Variants in RAP1GAP2 observed in about 807,000 individuals in gnomAD.
RAP1GAP2 encodes the protein RAP1 GTPase activating protein 2, also known as rap1 GTPase-activating protein 2.
Under a neutral mutation model 95.0 loss-of-function variants are expected in RAP1GAP2, and 27 were observed. That is an observed-to-expected ratio of 0.28 (90% CI 0.21 to 0.39). RAP1GAP2 has a LOEUF of 0.39. Ranked by LOEUF, RAP1GAP2 falls within the 10% of genes least tolerant of loss-of-function variation. The probability of loss-of-function intolerance (pLI) is 1.00; values close to 1 mark genes in which losing one functional copy is unlikely to be tolerated. For missense variants in RAP1GAP2, 771 were observed against 970.0 expected (o/e 0.79, Z 2.72); for synonymous variants, 373 against 380.9 (o/e 0.98, Z 0.24).
At position 2,965,649 on chromosome 17, in the gene RAP1GAP2, G is replaced by T. The variant is rs2044557806; in HGVS notation, c.596+6G>T. ...TACCTCCGGGTCATCCTTAGGTAGG[G>T]CTGTTGCGCTGCTTGAGGCCACTTC... On this transcript the variant is annotated splice_donor_region_variant and intron_variant, in intron 8 of 24. Transcript: ENST00000254695. The surrounding 1 kb of genome is among the most constrained non-coding windows in gnomAD (Gnocchi z 4.7). The T allele has an allele frequency of 6.3e-7, 1 of 1,582,196 alleles. No homozygotes were observed. Among genetic ancestry groups the T allele is most frequent in the Non-Finnish European group, 8.6e-7 (1 of 1,158,140 alleles).
chr17:2,854,103 G>C, intron 2 of RAP1GAP2: 2 of 985,424 alleles, frequency 2.0e-6, no homozygotes, highest in Non-Finnish European at 2.4e-6. Flanking sequence ...AAGAGAAAAG[G>C]TAAACCCCTG....
chr17:2,909,287 G>A (rs1003589131), intron 3 of RAP1GAP2, among the ~76,000 whole-genome samples: 1 of 152,208 alleles, frequency 6.6e-6, no homozygotes, highest in African/African-American at 2.4e-5. Flanking sequence ...GAGAGGCCAA[G>A]TATGGTGCAG....
intron 2 of RAP1GAP2, among the ~76,000 whole-genome samples, chr17:2,832,015 C>T (rs2070876251): frequency 6.6e-6 from 1 of 150,828 alleles, no homozygotes; most frequent in Non-Finnish European, 1.5e-5. Flanking sequence ...ACCAGCCTGC[C>T]CAATATGGCG....
intron 19 of RAP1GAP2, among the ~76,000 whole-genome samples, chr17:3,024,655 A>G (rs552378371): frequency 5.8e-4 from 89 of 152,366 alleles, no homozygotes; most frequent in African/African-American, 2.0e-3. Flanking sequence ...CAAAGTGGAA[A>G]CAGTCCAAAT....
At chr17:2,993,205 G>A (rs2045829368) in intron 12 of RAP1GAP2, among the ~76,000 whole-genome samples, 1 of 148,576 alleles carries the variant, frequency 6.7e-6, no homozygotes, top group African/African-American at 2.5e-5. Context: ...CTGGTCAATA[G>A]AGGGAGACTC....
intron 11 of RAP1GAP2, 143 bp downstream of exon 11, chr17:2,985,209 A>C (rs908511894): frequency 7.1e-7 from 1 of 1,408,106 alleles, no homozygotes; most frequent in Non-Finnish European, 9.4e-7. Context: ...TATGAATTAG[A>C]CTGGAGGTGG....
chr17:2,879,177 G>T (rs1296423887), intron 2 of RAP1GAP2, among the ~76,000 whole-genome samples: 3 of 150,722 alleles, frequency 2.0e-5, no homozygotes, highest in Non-Finnish European at 4.4e-5. Context: ...GTGCAGTGGC[G>T]TGATCTCAGC....
At chr17:2,966,251 G>A (rs911439233) in intron 8 of RAP1GAP2, among the ~76,000 whole-genome samples, 1 of 152,230 alleles carries the variant, frequency 6.6e-6, no homozygotes, top group African/African-American at 2.4e-5. Context: ...TGCGATAGGT[G>A]TTAGAGATAC....
Position 3,002,464 on chromosome 17 carries a change from C to T in RAP1GAP2, c.1201-2905C>T, listed in dbSNP as rs995218764. On this transcript the variant is annotated intron_variant, in intron 14 of 24. Coordinates refer to ENST00000254695, the MANE Select transcript of RAP1GAP2 (RefSeq NM_015085.5). ...CAGCCTTCCAAGGCACTCCCCAAAG[C>T]GCTGTCCATCCACACTCCCGGCAGC... Among the ~76,000 whole-genome samples the T allele has an allele frequency of 5.9e-5, 9 of 152,302 alleles. No homozygotes were observed. The East Asian group carries it at 1.4e-3, about 23-fold the overall frequency.
At chr17:2,828,857 C>T (rs2070705516) in intron 2 of RAP1GAP2, among the ~76,000 whole-genome samples, 1 of 152,062 alleles carries the variant, frequency 6.6e-6, no homozygotes, top group Admixed American at 6.6e-5. Context: ...GACTTCCCTC[C>T]CGGTTTCTGG....
intron 2 of RAP1GAP2, among the ~76,000 whole-genome samples, chr17:2,883,997 T>G (rs368408861): frequency 6.6e-6 from 1 of 152,232 alleles, no homozygotes; most frequent in Non-Finnish European, 1.5e-5. Context: ...TGTGGGCTCC[T>G]GTCAGCCTTC....
chr17:2,894,171 C>T (rs2073812867), intron 2 of RAP1GAP2, among the ~76,000 whole-genome samples: 1 of 150,778 alleles, frequency 6.6e-6, no homozygotes, highest in Admixed American at 6.6e-5. Flanking sequence ...CCTGCAATCC[C>T]AGCACCCAGC....
intron 2 of RAP1GAP2, among the ~76,000 whole-genome samples, chr17:2,826,438 T>A (rs1055135272): frequency 6.6e-6 from 1 of 150,972 alleles, no homozygotes; most frequent in African/African-American, 2.4e-5. Flanking sequence ...GAGGCGAGGG[T>A]GGGGATCCGC....
intron 8 of RAP1GAP2, among the ~76,000 whole-genome samples, chr17:2,978,244 G>A (rs1413533894): frequency 6.6e-6 from 1 of 152,072 alleles, no homozygotes; most frequent in African/African-American, 2.4e-5. Flanking sequence ...CTTAAAGGAG[G>A]CACTTAACAG....
At chr17:2,856,757 C>G (rs1277346561) in intron 2 of RAP1GAP2, among the ~76,000 whole-genome samples, 2 of 152,208 alleles carry the variant, frequency 1.3e-5, no homozygotes, top group Non-Finnish European at 2.9e-5. Context: ...GCACTGTGCT[C>G]TTAAGAGCCT....
At position 2,826,083 on chromosome 17, in the gene RAP1GAP2, C is replaced by A. The variant is rs914244978; in HGVS notation, c.80+25533C>A. On this transcript the variant is annotated intron_variant, in intron 2 of 24. Transcript: ENST00000254695. ...GCAACTTCCTCCTCCCAGGTTCAAG[C>A]GATTCTGCTGCCTCAGCTTCCCGAG... Among the ~76,000 whole-genome samples, 12 of 148,036 alleles carry A rather than the reference C, an allele frequency of 8.1e-5. No homozygotes were observed. The Admixed American group carries it at 8.2e-4, about 10-fold the overall frequency.
In RAP1GAP2 at chr17:2,796,748, G is replaced by T. The variant is rs1162380704; in HGVS notation, c.44+177G>T. Among the ~76,000 whole-genome samples the T allele has an allele frequency of 6.6e-6, 1 of 152,202 alleles. No individual in the cohort carries two copies. The highest frequency in any genetic ancestry group is 1.5e-5 in the Non-Finnish European group (1 of 68,034). ...CTGGTGGGGACATCAGAGACCGTAA[G>T]CCTTCCCCACTGTCCCTGGGCACAA... On this transcript the variant is annotated intron_variant, in intron 1 of 24. Transcript: ENST00000254695. The surrounding 1 kb of genome is among the most constrained non-coding windows in gnomAD (Gnocchi z 4.7).
chr17:2,914,645 C>T (rs1202599013), intron 3 of RAP1GAP2, among the ~76,000 whole-genome samples: 1 of 151,942 alleles, frequency 6.6e-6, no homozygotes, highest in South Asian at 2.1e-4. Flanking sequence ...CGCCCGCCAC[C>T]ACGCCCGGCA....
chr17:2,908,058 G>C (rs1207120394), intron 3 of RAP1GAP2, among the ~76,000 whole-genome samples: 3 of 152,114 alleles, frequency 2.0e-5, no homozygotes, highest in African/African-American at 7.2e-5. Context: ...GCCCGCCTCG[G>C]CCTCCCAAAG....
Sources: allele counts gnomAD v4.1 joint callset (sites outside exome capture counted in the v4.1 genomes callset), GRCh38; gene constraint gnomAD v4.1.1; non-coding constraint Gnocchi (gnomAD v3.1); transcripts MANE v1.5; gene names NCBI Gene and HGNC (gene_info 2026-07-23, HGNC 2026-07-21).